TBC1D15: variants seen among roughly 807,000 people sequenced by gnomAD.
TBC1D15 encodes GAP for RAB7.
Under a neutral mutation model 95.4 loss-of-function variants are expected in TBC1D15, and 39 were observed. That is an observed-to-expected ratio of 0.41 (90% confidence interval 0.32 to 0.53). The LOEUF is 0.53. TBC1D15 is among the 20% of genes least tolerant of loss of function. TBC1D15 has a pLI of 0.29. For synonymous variants in TBC1D15, 258 were observed against 261.3 expected (o/e 0.99, Z 0.12); for missense variants, 733 against 794.3 (o/e 0.92, Z 0.93).
chr12:71,893,416 A>G, intron 6 of TBC1D15, 92 bp downstream of exon 6: 1 of 728,600 alleles, frequency 1.4e-6, no homozygotes, highest in Non-Finnish European at 2.2e-6. Flanking sequence ...GCAAAATGAG[A>G]CAGGTACATA....
At chr12:71,914,170 G>A (rs1444631216) in intron 12 of TBC1D15, among the ~76,000 whole-genome samples, 1 of 151,800 alleles carries the variant, frequency 6.6e-6, no homozygotes, top group Non-Finnish European at 1.5e-5. Flanking sequence ...ATCAGTAAAT[G>A]CTTATTTTCT....
intron 1 of TBC1D15, chr12:71,841,062 C>G (rs180813192): frequency 6.6e-6 from 1 of 151,906 alleles, no homozygotes; most frequent in Non-Finnish European, 1.5e-5. Flanking sequence ...TATTCGTGCT[C>G]CTTGGTTGTC....
rs1436963700 is a variant in TBC1D15 at position 71,849,318 on chromosome 12, T to G, written c.30+9507T>G. ...TATCTGCCAGAAGAATCTTTTTAGGTAAGGAGGCTATCATAGGAGGCAATG... is the reference window on the plus strand; with the variant it reads ...TATCTGCCAGAAGAATCTTTTTAGGGAAGGAGGCTATCATAGGAGGCAATG... On this transcript the variant is annotated intron_variant, in intron 1 of 16. Coordinates refer to ENST00000485960, the MANE Select transcript of TBC1D15 (RefSeq NM_001146213.3). 1.8e-5 allele frequency: 20 copies of G among 1,109,546 alleles called. 1 individual carries two copies. The South Asian group carries it at 2.0e-4, about 11-fold the overall frequency. The allele number at this position is 1,109,546 out of a possible 1,614,324, so 68.7% of individuals were successfully genotyped here. A position where few individuals can be genotyped will look rare whatever the true frequency, so the allele number is the denominator to read the frequency against.
intron 1 of TBC1D15, among the ~76,000 whole-genome samples, chr12:71,869,532 A>G (rs1355199314): frequency 6.6e-6 from 1 of 151,878 alleles, no homozygotes. Context: ...CAAAAACAAA[A>G]CAAAACAAAA....
chr12:71,914,008 T>A, intron 12 of TBC1D15, 82 bp downstream of exon 12: 1 of 1,029,964 alleles, frequency 9.7e-7, no homozygotes, highest in Non-Finnish European at 1.4e-6. Flanking sequence ...GATTTTTATA[T>A]TTAGCCAACT....
chr12:71,897,706 G>A lies in TBC1D15; in HGVS notation c.1089-141G>A, dbSNP rs567709785. 33 of 551,308 alleles carry A rather than the reference G, an allele frequency of 6.0e-5. No homozygotes were observed. The East Asian group carries it at 6.4e-4, about 11-fold the overall frequency. 34.2% of individuals were successfully genotyped at this position (551,308 alleles called of 1,614,324 possible). ...TCACTTATTTATCATAACTTTAAAC[G>A]TTTTGCTATTGTTTTTATAAACTTA... On this transcript the variant is annotated intron_variant, in intron 9 of 16. Transcript: ENST00000485960.
intron 10 of TBC1D15, among the ~76,000 whole-genome samples, chr12:71,902,490 A>G (rs1306718867): frequency 6.6e-6 from 1 of 152,236 alleles, no homozygotes; most frequent in Non-Finnish European, 1.5e-5. Flanking sequence ...ATGACTCCCT[A>G]TTCAATAAAT....
intron 11 of TBC1D15, among the ~76,000 whole-genome samples, chr12:71,911,900 T>C (rs1902468898): frequency 6.6e-6 from 1 of 152,204 alleles, no homozygotes; most frequent in Non-Finnish European, 1.5e-5. Context: ...ATAAGAAAGC[T>C]GAAGACTTAA....
intron 12 of TBC1D15, among the ~76,000 whole-genome samples, chr12:71,917,070 T>G (rs916283673): frequency 6.6e-6 from 1 of 152,126 alleles, no homozygotes; most frequent in South Asian, 2.1e-4. Flanking sequence ...CACAAGAGAT[T>G]GTTTTAAATT....
chr12:71,899,821 A>G (rs981247755), intron 10 of TBC1D15, among the ~76,000 whole-genome samples: 3 of 152,130 alleles, frequency 2.0e-5, no homozygotes, highest in Non-Finnish European at 1.5e-5. Flanking sequence ...GAGCCCGGCC[A>G]TGGTGGCTCA....
At chr12:71,920,099 A>C (rs1868684037) in intron 14 of TBC1D15, among the ~76,000 whole-genome samples, 1 of 152,172 alleles carries the variant, frequency 6.6e-6, no homozygotes. Context: ...TATTAGGTAC[A>C]TGAAGCAGGG....
At chr12:71,889,528 G>A (rs571472488) in intron 5 of TBC1D15, among the ~76,000 whole-genome samples, 9 of 151,654 alleles carry the variant, frequency 5.9e-5, no homozygotes, top group Admixed American at 3.4e-4. Flanking sequence ...CCAAGTAGTA[G>A]AATAAAGCTA....
At chr12:71,886,883 G>A (rs1896330786) in intron 5 of TBC1D15, among the ~76,000 whole-genome samples, 1 of 152,148 alleles carries the variant, frequency 6.6e-6, no homozygotes, top group Non-Finnish European at 1.5e-5. Context: ...GCTCAGTATC[G>A]GTGTTGCGAT....
At position 71,872,983 on chromosome 12, in the gene TBC1D15, A is replaced by G. The variant is rs1206796542; in HGVS notation, c.184A>G (p.Ser62Gly). Reference protein sequence around the residue: ...RPLDDALDSSSILYARKDSSS... With the variant: ...RPLDDALDSSGILYARKDSSS... Reference sequence around the variant, plus strand: ...ATTGGATGATGCATTAGATTCCTCTAGTATTCTCTATGCTAGAAAGGTATT... The same window carrying G: ...ATTGGATGATGCATTAGATTCCTCTGGTATTCTCTATGCTAGAAAGGTATT... The change falls in exon 3 of 17, where the codon AGT becomes GGT. Residue 62 changes from serine (S) to glycine (G), a missense_variant. By Grantham distance (56) the Ser-to-Gly change is moderately conservative. Transcript: ENST00000485960. The G allele has an allele frequency of 3.1e-6, 5 of 1,608,392 alleles. No homozygotes were observed. Among genetic ancestry groups the G allele is most frequent in the African/African-American group, 1.3e-5 (1 of 74,766 alleles).
chr12:71,906,610 T>C (rs1485966204), intron 10 of TBC1D15, among the ~76,000 whole-genome samples: 1 of 150,910 alleles, frequency 6.6e-6, no homozygotes, highest in African/African-American at 2.5e-5. Flanking sequence ...ATCTCTTTGA[T>C]TATGCTTGAT....
chr12:71,908,150 G>C (rs1372793293), intron 11 of TBC1D15, among the ~76,000 whole-genome samples: 1 of 152,184 alleles, frequency 6.6e-6, no homozygotes, highest in Non-Finnish European at 1.5e-5. Context: ...TCCAGCCTGG[G>C]TGACAGAGCG....
chr12:71,920,934 T>A, intron 15 of TBC1D15, 87 bp downstream of exon 15: 1 of 921,284 alleles, frequency 1.1e-6, no homozygotes, highest in Non-Finnish European at 1.7e-6. Context: ...GGAACATTAT[T>A]AAATCTCTTG....
intron 1 of TBC1D15, among the ~76,000 whole-genome samples, chr12:71,870,403 C>T (rs1009513695): frequency 6.6e-6 from 1 of 152,168 alleles, no homozygotes; most frequent in Non-Finnish European, 1.5e-5. Context: ...CATCCTATCC[C>T]CATGTAAGCT....
intron 14 of TBC1D15, 81 bp from the exon 15 acceptor site, chr12:71,920,650 T>C: frequency 1.9e-6 from 2 of 1,062,998 alleles, no homozygotes; most frequent in Non-Finnish European, 2.9e-6. Flanking sequence ...ATAGAAGTCA[T>C]TCAGTGTTCA....
Sources: allele counts gnomAD v4.1 joint callset (sites outside exome capture counted in the v4.1 genomes callset), GRCh38; gene constraint gnomAD v4.1.1; transcripts MANE v1.5; gene names NCBI Gene and HGNC (gene_info 2026-07-23, HGNC 2026-07-21).